HEMK2: variants seen among roughly 807,000 people sequenced by gnomAD.
HEMK2 encodes the protein methyltransferase HEMK2.
chr21:28,877,766 T>C, the HEMK2 span, among the ~76,000 whole-genome samples: 1 of 152,152 alleles, frequency 6.6e-6, no homozygotes, highest in African/African-American at 2.4e-5. Flanking sequence ...GTCAATTTAG[T>C]TATAAAGCAA....
At chr21:28,870,339 TACTA>T in the HEMK2 span, among the ~76,000 whole-genome samples, 2 of 152,238 alleles carry the variant, frequency 1.3e-5, no homozygotes, top group East Asian at 1.9e-4. Flanking sequence ...GATACACTAT[TACTA>T]ACTAAAGTTC....
chr21:28,610,097 C>T, the HEMK2 span, among the ~76,000 whole-genome samples: 13 of 152,224 alleles, frequency 8.5e-5, no homozygotes, highest in African/African-American at 2.9e-4. Context: ...CACCTAGGCA[C>T]ATGGTCATCA....
the HEMK2 span, among the ~76,000 whole-genome samples, chr21:28,663,978 CA>C: frequency 6.6e-6 from 1 of 152,164 alleles, no homozygotes; most frequent in Non-Finnish European, 1.5e-5. Flanking sequence ...CATACATACG[CA>C]TTGTACATAT....
chr21:28,864,900 TATAG>T, the HEMK2 span, among the ~76,000 whole-genome samples: 1 of 86,444 alleles, frequency 1.2e-5, no homozygotes, highest in Admixed American at 1.1e-4. Flanking sequence ...GATAGATAGA[TATAG>T]ATAGATGATA....
the HEMK2 span, among the ~76,000 whole-genome samples, chr21:28,600,528 G>A: frequency 6.6e-6 from 1 of 152,192 alleles, no homozygotes; most frequent in African/African-American, 2.4e-5. Context: ...CTGGGCCTGT[G>A]ATGATAAGGG....
At chr21:28,646,724 G>A in the HEMK2 span, among the ~76,000 whole-genome samples, 1 of 152,208 alleles carries the variant, frequency 6.6e-6, no homozygotes, top group African/African-American at 2.4e-5. Context: ...AGGAATTGAT[G>A]CTGAGTGTCA....
chr21:28,582,068 C>T, the HEMK2 span, among the ~76,000 whole-genome samples: 1 of 152,140 alleles, frequency 6.6e-6, no homozygotes, highest in African/African-American at 2.4e-5. Flanking sequence ...TCCAAATTAA[C>T]TGAAAAGGAG....
At chr21:28,584,510 A>G in the HEMK2 span, among the ~76,000 whole-genome samples, 4 of 152,234 alleles carry the variant, frequency 2.6e-5, no homozygotes, top group African/African-American at 9.6e-5. Flanking sequence ...TTTCTAAAAT[A>G]TATCTCAAAA....
the HEMK2 span, among the ~76,000 whole-genome samples, chr21:28,608,252 C>G: frequency 7.9e-3 from 1,197 of 152,148 alleles, 19 homozygotes; most frequent in African/African-American, 0.028. Flanking sequence ...AACCAAAACC[C>G]AAGTCAGTTT....
chr21:28,587,970 T>C, the HEMK2 span, among the ~76,000 whole-genome samples: 3 of 152,216 alleles, frequency 2.0e-5, no homozygotes, highest in African/African-American at 7.2e-5. Flanking sequence ...GCAAGACAAC[T>C]TGTATGCCAA....
At chr21:28,699,170 T>A in the HEMK2 span, among the ~76,000 whole-genome samples, 27 of 152,224 alleles carry the variant, frequency 1.8e-4, no homozygotes, top group Admixed American at 1.5e-3. Context: ...GCTTTTTAGT[T>A]AAAATTACCC....
the HEMK2 span, among the ~76,000 whole-genome samples, chr21:28,718,834 A>C: frequency 1.3e-5 from 2 of 152,200 alleles, no homozygotes; most frequent in African/African-American, 4.8e-5. Flanking sequence ...AATTCAGAAA[A>C]TCCAGTCAAC....
chr21:28,776,485 G>A, the HEMK2 span, among the ~76,000 whole-genome samples: 1 of 152,174 alleles, frequency 6.6e-6, no homozygotes, highest in African/African-American at 2.4e-5. Context: ...TGTGGACTGT[G>A]GTTGTATTAG....
At chr21:28,856,329 T>C in the HEMK2 span, among the ~76,000 whole-genome samples, 1 of 151,912 alleles carries the variant, frequency 6.6e-6, no homozygotes, top group Non-Finnish European at 1.5e-5. Flanking sequence ...GCAGGAGAAT[T>C]GTTTCAACCT....
the HEMK2 span, among the ~76,000 whole-genome samples, chr21:28,717,480 CT>C: frequency 2.3e-3 from 272 of 117,286 alleles, no homozygotes; most frequent in South Asian, 6.9e-3. Context: ...TCATTTTAGT[CT>C]TTTTTTTTTT....
chr21:28,838,068 T>C, the HEMK2 span, among the ~76,000 whole-genome samples: 2 of 152,026 alleles, frequency 1.3e-5, no homozygotes. Context: ...AACAAAAAAA[T>C]AGCCCAGGAC....
chr21:28,593,030 T>G, the HEMK2 span, among the ~76,000 whole-genome samples: 2 of 152,068 alleles, frequency 1.3e-5, no homozygotes, highest in African/African-American at 2.4e-5. Context: ...TGTAAAAAAA[T>G]TATTAAAAAT....
At chr21:28,700,513 T>C in the HEMK2 span, among the ~76,000 whole-genome samples, 1 of 152,148 alleles carries the variant, frequency 6.6e-6, no homozygotes, top group Non-Finnish European at 1.5e-5. Context: ...GAGACTACTA[T>C]GAACACTGCT....
the HEMK2 span, among the ~76,000 whole-genome samples, chr21:28,819,533 T>C: frequency 0.088 from 12,914 of 147,546 alleles, 811 homozygotes; most frequent in East Asian, 0.3. Flanking sequence ...TCCACCTTTA[T>C]TTTTCTTTTC....
Sources: gnomAD v4.1 joint callset for allele counts (sites outside exome capture counted in the v4.1 genomes callset) on GRCh38, gnomAD v4.1.1 for gene constraint, MANE v1.5 for transcripts, NCBI Gene and HGNC (gene_info 2026-07-23, HGNC 2026-07-21) for gene names.